Variants in COMMD10 observed in about 807,000 individuals in gnomAD.
COMMD10 encodes the protein COMM domain-containing protein 10.
Under a neutral mutation model 28.9 loss-of-function variants are expected in COMMD10, and 33 were observed. That is an observed-to-expected ratio of 1.14 (90% CI 0.87 to 1.53). COMMD10 has a LOEUF of 1.53. Among genes scored for constraint, COMMD10 ranks in the 40% most tolerant of loss-of-function variants. The pLI, the probability that COMMD10 is intolerant of heterozygous loss-of-function variation, is 0.00. For missense variants in COMMD10, 310 were observed against 233.4 expected (o/e 1.33, Z -2.14); for synonymous variants, 110 against 81.7 (o/e 1.35, Z -1.87).
chr5:116,166,237 G>GT (rs869260656), intron 5 of COMMD10, among the ~76,000 whole-genome samples: 3 of 133,594 alleles, frequency 2.2e-5, no homozygotes, highest in Non-Finnish European at 4.7e-5. Context: ...TGCAAAGATT[G>GT]TTTTTTATAA....
At chr5:116,275,113 C>CTT (rs1750868393) in intron 5 of COMMD10, among the ~76,000 whole-genome samples, 1 of 151,796 alleles carries the variant, frequency 6.6e-6, no homozygotes, top group Non-Finnish European at 1.5e-5. Flanking sequence ...CTTTCACTTG[C>CTT]CCAAGGCAGA....
chr5:116,170,655 A>G lies in COMMD10; in HGVS notation c.510+36477A>G, dbSNP rs186783808. 7.9e-3 allele frequency among the ~76,000 whole-genome samples: 1,205 copies of G among 152,326 alleles called. 16 individuals are homozygous for G. The highest frequency in any genetic ancestry group is 0.027 in the African/African-American group (1,113 of 41,570). On this transcript the variant is annotated intron_variant, in intron 5 of 6. Transcript: ENST00000274458. ...AAACAGATATATATACCAGTGGAAC[A>G]GAACAGAGGCCTCAGAAATAATGCC...
chr5:116,286,189 T>C (rs1447235614), intron 5 of COMMD10, among the ~76,000 whole-genome samples: 2 of 151,736 alleles, frequency 1.3e-5, no homozygotes, highest in African/African-American at 4.9e-5. Context: ...TTTATTTCTA[T>C]GGCATCTGTT....
chr5:116,290,085 G>A (rs188512622), intron 5 of COMMD10, among the ~76,000 whole-genome samples: 59 of 151,970 alleles, frequency 3.9e-4, no homozygotes, highest in East Asian at 5.8e-4. Context: ...AGTTGTTTAC[G>A]TGCTGATTCA....
At chr5:116,176,140 T>G (rs570569682) in intron 5 of COMMD10, among the ~76,000 whole-genome samples, 16 of 152,242 alleles carry the variant, frequency 1.1e-4, no homozygotes, top group Admixed American at 2.6e-4. Context: ...TTGAGATAGA[T>G]TGTCTTTGTC....
At chr5:116,241,588 T>G (rs144952029) in intron 5 of COMMD10, among the ~76,000 whole-genome samples, 7 of 108,078 alleles carry the variant, frequency 6.5e-5, no homozygotes, top group African/African-American at 3.2e-4. Context: ...GCTTTCTTAT[T>G]TATTTATTTA....
intron 5 of COMMD10, among the ~76,000 whole-genome samples, chr5:116,173,838 G>GT (rs201419186): frequency 0.13 from 14,748 of 117,822 alleles, 998 homozygotes; most frequent in African/African-American, 0.3. Context: ...GTTTTGTTTT[G>GT]TTTTGTTTTT....
rs1168077756 is a variant in COMMD10, at chr5:116,138,188, AATC to A, written c.510+4016_510+4018del. Among the ~76,000 whole-genome samples the A allele has an allele frequency of 5.3e-5, 8 of 152,046 alleles. 1 individual carries two copies. In the South Asian group the frequency reaches 1.4e-3, roughly 28 times the overall value. On this transcript the variant is annotated intron_variant, in intron 5 of 6. Transcript: ENST00000274458. ...ATATACATATAGAACAAATAAATGA[AATC>A]ATCATGATTTGGCTTTTGAAATTTG...
chr5:116,137,697 G>A (rs1042134016), intron 5 of COMMD10, among the ~76,000 whole-genome samples: 4 of 151,910 alleles, frequency 2.6e-5, no homozygotes, highest in African/African-American at 9.7e-5. Flanking sequence ...AATGAAAAAT[G>A]CAGCCTGCAG....
intron 5 of COMMD10, among the ~76,000 whole-genome samples, chr5:116,269,657 A>G (rs1296627143): frequency 2.6e-5 from 4 of 151,804 alleles, no homozygotes; most frequent in African/African-American, 9.7e-5. Flanking sequence ...TTCATCTCAA[A>G]TATTTTAGCC....
Position 116,199,200 on chromosome 5 carries a change from C to T in COMMD10, c.510+65022C>T, listed in dbSNP as rs1268363856. Among the ~76,000 whole-genome samples the T allele has an allele frequency of 3.3e-5, 5 of 152,070 alleles. No individual in the cohort carries two copies. In the East Asian group the frequency reaches 5.8e-4, roughly 18 times the overall value. On this transcript the variant is annotated intron_variant, in intron 5 of 6. Coordinates refer to ENST00000274458, the MANE Select transcript of COMMD10 (RefSeq NM_016144.4). Reference sequence around the variant, plus strand: ...CATTTTTGTTTTAATTTGGATTTCTCTACTGACATACGGTGTGGAGCATCT... The same window carrying T: ...CATTTTTGTTTTAATTTGGATTTCTTTACTGACATACGGTGTGGAGCATCT...
At chr5:116,244,370 G>A (rs912624661) in intron 5 of COMMD10, among the ~76,000 whole-genome samples, 20 of 151,944 alleles carry the variant, frequency 1.3e-4, no homozygotes, top group African/African-American at 3.9e-4. Context: ...ATAAATTCAT[G>A]TTTCCTTAAT....
At chr5:116,157,575 A>G (rs1752758213) in intron 5 of COMMD10, among the ~76,000 whole-genome samples, 1 of 152,202 alleles carries the variant, frequency 6.6e-6, no homozygotes, top group African/African-American at 2.4e-5. Flanking sequence ...GAACAGGCAC[A>G]CCGTTATTTT....
chr5:116,102,721 G>T (rs1561601315), intron 4 of COMMD10, among the ~76,000 whole-genome samples: 1 of 152,104 alleles, frequency 6.6e-6, no homozygotes, highest in East Asian at 1.9e-4. Context: ...GAATGTGCAG[G>T]TTTGTTACAT....
chr5:116,085,208 G>C, intron 1 of COMMD10, 115 bp downstream of exon 1: 2 of 658,580 alleles, frequency 3.0e-6, no homozygotes, highest in South Asian at 3.4e-5. Context: ...CCGGTTGAGT[G>C]GGGTGGGGTG....
At chr5:116,142,683 G>T (rs1379672730) in intron 5 of COMMD10, among the ~76,000 whole-genome samples, 2 of 151,598 alleles carry the variant, frequency 1.3e-5, no homozygotes, top group Non-Finnish European at 3.0e-5. Flanking sequence ...AAAAAGCCCA[G>T]ATATTTTTGT....
rs934937772 is a variant in COMMD10 at position 116,242,480 on chromosome 5, TATTATC to T, written c.511-49034_511-49029del. Reference sequence around the variant, plus strand: ...AGCAACCCTGAGGGTTTGACATTATTATTATCATCATCTTACAGGAAAGAGAACTGG... The same window carrying T: ...AGCAACCCTGAGGGTTTGACATTATTATCATCTTACAGGAAAGAGAACTGG... On this transcript the variant is annotated intron_variant, in intron 5 of 6. Coordinates refer to ENST00000274458, the MANE Select transcript of COMMD10 (RefSeq NM_016144.4). Among the ~76,000 whole-genome samples, 71 of 152,298 alleles carry T rather than the reference TATTATC, an allele frequency of 4.7e-4. 1 individual carries two copies. The highest frequency in any genetic ancestry group is 4.2e-3 in the Admixed American group (65 of 15,296).
intron 5 of COMMD10, among the ~76,000 whole-genome samples, chr5:116,176,138 G>T (rs1357282531): frequency 1.3e-5 from 2 of 152,112 alleles, no homozygotes; most frequent in African/African-American, 2.4e-5. Flanking sequence ...TGTTGAGATA[G>T]ATTGTCTTTG....
intron 5 of COMMD10, among the ~76,000 whole-genome samples, chr5:116,195,484 A>G (rs1748489303): frequency 6.6e-6 from 1 of 152,190 alleles, no homozygotes; most frequent in Non-Finnish European, 1.5e-5. Flanking sequence ...ATTAATGTAC[A>G]CAAATCAGTA....
Sources: gnomAD v4.1 joint callset for allele counts (sites outside exome capture counted in the v4.1 genomes callset) on GRCh38, gnomAD v4.1.1 for gene constraint, MANE v1.5 for transcripts, NCBI Gene and HGNC (gene_info 2026-07-23, HGNC 2026-07-21) for gene names.